The following PCDHA1 variants were observed in gnomAD, a reference collection of about 807,000 sequenced individuals.
The protein encoded by PCDHA1 is protocadherin alpha 1.
PCDHA1 carries 42 observed loss-of-function variants against 61.3 expected under a neutral mutation model. That is an observed-to-expected ratio of 0.69 (90% confidence interval 0.54 to 0.89). The LOEUF is 0.89. PCDHA1 is among the 40% of genes least tolerant of loss of function. The pLI is 0.00. For synonymous variants in PCDHA1, 610 were observed against 553.8 expected (o/e 1.10, Z -1.43); for missense variants, 1,256 against 1,235.3 (o/e 1.02, Z -0.25).
intron 1 of PCDHA1, chr5:140,801,336 C>T (rs1762685854): frequency 6.2e-7 from 1 of 1,613,248 alleles, no homozygotes. Context: ...CTTCGTGGGC[C>T]GCATCGCGCA....
chr5:140,836,669 G>T (rs142732506), intron 1 of PCDHA1: 1 of 1,613,470 alleles, frequency 6.2e-7, no homozygotes, highest in African/African-American at 1.3e-5. Context: ...GCTCTGGGGA[G>T]GGCCCACCCA....
At chr5:140,895,080 C>T (rs537991545) in intron 1 of PCDHA1, among the ~76,000 whole-genome samples, 11 of 152,246 alleles carry the variant, frequency 7.2e-5, no homozygotes, top group Admixed American at 1.3e-4. Context: ...CTATCAGTTC[C>T]TCCTCAGTAT....
At position 140,843,977 on chromosome 5, in the gene PCDHA1, C is replaced by A. The variant is rs1357233460; in HGVS notation, c.2394+55293C>A. Reference sequence around the variant, plus strand: ...TTTACTGAATATTTATTTTGGCCTGCCTTACAGCCGTCTTCTCTGAACAAT... The same window carrying A: ...TTTACTGAATATTTATTTTGGCCTGACTTACAGCCGTCTTCTCTGAACAAT... On this transcript the variant is annotated intron_variant, in intron 1 of 3. Transcript: ENST00000504120. Among the ~76,000 whole-genome samples the A allele has an allele frequency of 1.3e-5, 2 of 149,352 alleles. 1 individual carries two copies.
At chr5:140,944,617 G>A (rs374007868) in intron 1 of PCDHA1, among the ~76,000 whole-genome samples, 6 of 152,192 alleles carry the variant, frequency 3.9e-5, no homozygotes, top group African/African-American at 1.4e-4. Flanking sequence ...TGCTGTAGAA[G>A]TATAGTGTTG....
intron 1 of PCDHA1, among the ~76,000 whole-genome samples, chr5:140,872,848 A>T: frequency 1.3e-5 from 2 of 152,332 alleles, no homozygotes; most frequent in African/African-American, 4.8e-5. Context: ...AAATATATTA[A>T]TGTGAGTACC....
rs1489992894 is a variant in PCDHA1, at chr5:140,841,079, G to A, written c.2394+52395G>A. ...AAATTATGATAAAGAAATAGAAAGT[G>A]CATAGAAGAACCCAGATATTGCGGA... On this transcript the variant is annotated intron_variant, in intron 1 of 3. Transcript: ENST00000504120. 3.0e-5 allele frequency: 16 copies of A among 535,434 alleles called. No homozygotes were observed. The East Asian group carries it at 5.1e-4, about 17-fold the overall frequency. 33.2% of individuals were successfully genotyped at this position (535,434 alleles called of 1,614,324 possible). A position where few individuals can be genotyped will look rare whatever the true frequency, so the allele number is the denominator to read the frequency against.
At chr5:140,859,201 G>A (rs1356259348) in intron 1 of PCDHA1, 1 of 149,574 alleles carries the variant, frequency 6.7e-6, no homozygotes. Flanking sequence ...ATGATATTCA[G>A]GTATTAGCTC....
At chr5:140,789,279 G>A (rs1581601134) in intron 1 of PCDHA1, among the ~76,000 whole-genome samples, 4 of 152,246 alleles carry the variant, frequency 2.6e-5, no homozygotes, top group African/African-American at 4.8e-5. Context: ...GTGAAACCCC[G>A]TCTCAACTAA....
At chr5:140,943,770 A>G (rs1290673049) in intron 1 of PCDHA1, among the ~76,000 whole-genome samples, 16 of 152,384 alleles carry the variant, frequency 1.0e-4, no homozygotes, top group African/African-American at 3.8e-4. Context: ...TAGGAAAAAA[A>G]CTAGGAAGTG....
At chr5:140,965,291 C>T (rs1227369041) in intron 1 of PCDHA1, among the ~76,000 whole-genome samples, 1 of 152,154 alleles carries the variant, frequency 6.6e-6, no homozygotes, top group Non-Finnish European at 1.5e-5. Context: ...GGAAAGATTT[C>T]CTCTGATCCT....
chr5:141,009,791 CCTA>C lies in PCDHA1; in HGVS notation c.2711_2713del (p.Thr904del), dbSNP rs2098414479. 1.2e-6 allele frequency: 2 copies of C among 1,613,966 alleles called. No homozygotes were observed. Among genetic ancestry groups the C allele is most frequent in the African/African-American group, 2.7e-5 (2 of 74,882 alleles). On this transcript the variant is annotated inframe_deletion, in exon 4 of 4. Coordinates refer to ENST00000504120, the MANE Select transcript of PCDHA1 (RefSeq NM_018900.4). ...TGCAATCATCTCCATCCGGCAGGAGCCTACTAACAGCCAAATTGACAAAAGTGA... is the reference window on the plus strand; with the variant it reads ...TGCAATCATCTCCATCCGGCAGGAGCCTAACAGCCAAATTGACAAAAGTGA...
intron 1 of PCDHA1, among the ~76,000 whole-genome samples, chr5:140,912,180 T>C (rs2075805933): frequency 6.6e-6 from 1 of 152,168 alleles, no homozygotes; most frequent in South Asian, 2.1e-4. Flanking sequence ...TGGCAGCTGA[T>C]TAGATTGTGC....
At chr5:140,860,219 A>C (rs2046275185) in intron 1 of PCDHA1, 1 of 151,166 alleles carries the variant, frequency 6.6e-6, no homozygotes, top group South Asian at 2.1e-4. Flanking sequence ...GTACTTATGT[A>C]TATATAAGCC....
chr5:140,795,003 A>G, intron 1 of PCDHA1: 3 of 1,613,722 alleles, frequency 1.9e-6, no homozygotes, highest in Admixed American at 1.7e-5. Context: ...GGGCCTGGAC[A>G]CGGCTGCTCT....
At position 140,851,072 on chromosome 5, in the gene PCDHA1, A is replaced by G; in HGVS notation, c.2394+62388A>G. The stretch of plus-strand genomic sequence containing the variant: ...TTTGTCTTGACTTCTAGTGAGAATT[A>G]TAAACTGTATATTAAATAGATATTT... On this transcript the variant is annotated intron_variant, in intron 1 of 3. Coordinates refer to ENST00000504120, the MANE Select transcript of PCDHA1 (RefSeq NM_018900.4). The G allele has an allele frequency of 5.9e-6, 8 of 1,346,802 alleles. 1 individual carries two copies. The highest frequency in any genetic ancestry group is 7.8e-6 in the Non-Finnish European group (8 of 1,027,866). The allele number at this position is 1,346,802 out of a possible 1,614,324, so 83.4% of individuals were successfully genotyped here. A position where few individuals can be genotyped will look rare whatever the true frequency, so the allele number is the denominator to read the frequency against.
rs1562127930 is a variant in PCDHA1, at chr5:140,786,503, C to CAGGGACCTTCTGG, written c.217_229dup (p.Val77GlyfsTer55). Reference sequence around the variant, plus strand: ...TGTTCCGGGTGGCGTCCAAAACACACAGGGACCTTCTGGAGGTAAATCTGC... The same window carrying CAGGGACCTTCTGG: ...TGTTCCGGGTGGCGTCCAAAACACACAGGGACCTTCTGGAGGGACCTTCTGGAGGTAAATCTGC... On this transcript the variant is annotated frameshift_variant, in exon 1 of 4. Coordinates refer to ENST00000504120, the MANE Select transcript of PCDHA1 (RefSeq NM_018900.4). LOFTEE classifies it high-confidence loss of function. 6.2e-7 allele frequency: 1 copy of CAGGGACCTTCTGG among 1,613,970 alleles called. No homozygotes were observed. Among genetic ancestry groups the CAGGGACCTTCTGG allele is most frequent in the South Asian group, 1.1e-5 (1 of 91,062 alleles).
chr5:140,810,565 A>C (rs1234570914), intron 1 of PCDHA1: 1 of 152,234 alleles, frequency 6.6e-6, no homozygotes, highest in African/African-American at 2.4e-5. Context: ...TTTTATATTT[A>C]AATGAAGTTG....
In PCDHA1 at chr5:140,852,902, A is replaced by ATG. The variant is rs1554146177; in HGVS notation, c.2394+64218_2394+64219insTG. The stretch of plus-strand genomic sequence containing the variant: ...TAAAACGTATTTTTTTTTTTGAGTC[A>ATG]GAGTCTCGCTCTGTTGCCCAGGCTG... On this transcript the variant is annotated intron_variant, in intron 1 of 3. Transcript: ENST00000504120. 5.3e-4 allele frequency: 438 copies of ATG among 830,724 alleles called. 11 individuals carry two copies. In the South Asian group the frequency reaches 0.021, roughly 39 times the overall value. 51.5% of individuals were successfully genotyped at this position (830,724 alleles called of 1,614,324 possible).
Position 140,788,039 on chromosome 5 carries a change from A to G in PCDHA1, c.1749A>G (p.Arg583=). 1 of 1,613,914 alleles carries G rather than the reference A, an allele frequency of 6.2e-7. No homozygotes were observed. Among genetic ancestry groups the G allele is most frequent in the Non-Finnish European group, 8.5e-7 (1 of 1,179,874 alleles). The change falls in exon 1 of 4, where the codon CGA becomes CGG. Residue 583 remains arginine (R), a synonymous_variant. Transcript: ENST00000504120. ...GTGCAGTCAGTGAGCTGGTGCCGCG[A>G]TTGGTGGGTGCGGGTCATGTGGTGG... ...TIGAVSELVP[R]LVGAGHVVAK...
Sources: gnomAD v4.1 joint callset for allele counts (sites outside exome capture counted in the v4.1 genomes callset) on GRCh38, gnomAD v4.1.1 for gene constraint, MANE v1.5 for transcripts, NCBI Gene and HGNC (gene_info 2026-07-23, HGNC 2026-07-21) for gene names.